The following NSF variants were observed in gnomAD, a reference collection of about 807,000 sequenced individuals.
NSF encodes vesicle-fusing ATPase.
Under a neutral mutation model 50.3 loss-of-function variants are expected in NSF, and 14 were observed. The observed-to-expected ratio is 0.28, with a 90% CI of 0.18 to 0.44. NSF has a LOEUF of 0.44. Among genes scored for constraint, NSF ranks in the 20% least tolerant of loss-of-function variants. The pLI is 1.00. For missense variants in NSF, 218 were observed against 504.3 expected, an observed-to-expected ratio of 0.43 and a Z score of 5.44; for synonymous variants, 109 against 175.7, an observed-to-expected ratio of 0.62 and a Z score of 3.00.
At chr17:46,726,069 A>G (rs2058886536) in intron 15 of NSF, among the ~76,000 whole-genome samples, 1 of 152,108 alleles carries the variant, frequency 6.6e-6, no homozygotes. Flanking sequence ...TCAACCTTTA[A>G]TTCTTTTGTA....
intron 15 of NSF, among the ~76,000 whole-genome samples, chr17:46,726,128 T>A (rs2058887425): frequency 6.6e-6 from 1 of 152,240 alleles, no homozygotes; most frequent in Non-Finnish European, 1.5e-5. Flanking sequence ...ATTCTGATCT[T>A]TCAGTGTTAC....
At chr17:46,753,234 C>T (rs2059201035) in intron 19 of NSF, among the ~76,000 whole-genome samples, 1 of 152,188 alleles carries the variant, frequency 6.6e-6, no homozygotes, top group South Asian at 2.1e-4. Flanking sequence ...GATGGTCCTG[C>T]ATTCTGCTAG....
chr17:46,727,189 T>A (rs558355071), intron 16 of NSF, among the ~76,000 whole-genome samples: 2 of 152,340 alleles, frequency 1.3e-5, no homozygotes, highest in Non-Finnish European at 1.5e-5. Context: ...TAGTAATTTT[T>A]AAAATATGTA....
intron 15 of NSF, among the ~76,000 whole-genome samples, chr17:46,720,672 C>T (rs1220822806): frequency 6.6e-6 from 1 of 152,130 alleles, no homozygotes; most frequent in African/African-American, 2.4e-5. Context: ...TTTAACTAAT[C>T]GCTGACAGAT....
At chr17:46,711,888 C>G (rs1325043711) in intron 14 of NSF, among the ~76,000 whole-genome samples, 2 of 152,014 alleles carry the variant, frequency 1.3e-5, no homozygotes, top group Non-Finnish European at 2.9e-5. Flanking sequence ...AAGTCCTGGG[C>G]AGGAAGGAGC....
intron 1 of NSF, among the ~76,000 whole-genome samples, chr17:46,599,991 TTGG>T (rs1338100445): frequency 2.5e-5 from 2 of 79,708 alleles, no homozygotes; most frequent in African/African-American, 6.2e-5. Context: ...TGAGTCTCAC[TTGG>T]TGGCCTGGGC....
At chr17:46,753,300 G>A (rs1439694955) in intron 19 of NSF, among the ~76,000 whole-genome samples, 1 of 152,162 alleles carries the variant, frequency 6.6e-6, no homozygotes, top group Non-Finnish European at 1.5e-5. Context: ...ATCTGAAATA[G>A]GCTCTTGGAC....
At chr17:46,690,624 AAT>A (rs1374633889) in intron 9 of NSF, among the ~76,000 whole-genome samples, 4 of 110,950 alleles carry the variant, frequency 3.6e-5, no homozygotes, top group African/African-American at 1.0e-4. Context: ...AAAAAAAAAA[AAT>A]ATATATATAT....
chr17:46,695,272 G>T (rs919719756), intron 12 of NSF, among the ~76,000 whole-genome samples: 3 of 144,354 alleles, frequency 2.1e-5, no homozygotes, highest in Non-Finnish European at 4.5e-5. Context: ...GTTGTAATAT[G>T]TCAGAGGAAG....
Position 46,711,032 on chromosome 17 carries a change from G to A in NSF, c.1540G>A (p.Val514Ile), listed in dbSNP as rs773649875. The part of the protein sequence containing the change: ...MNGIIKWGDP[V>I]TRVLDDGELL... The stretch of plus-strand genomic sequence containing the variant: ...CGGTATCATCAAATGGGGTGACCCA[G>A]TTACTCGAGTTCTAGATGATGGGGA... Residue 514 changes from valine (V) to isoleucine (I), a missense_variant, in exon 14 of 21, where the codon GTT becomes ATT. Physicochemically the swap from Val to Ile is conservative, Grantham distance 29. Coordinates refer to ENST00000398238, the MANE Select transcript of NSF (RefSeq NM_006178.4). 1 of 1,591,964 alleles carries A rather than the reference G, an allele frequency of 6.3e-7. No homozygotes were observed. The highest frequency in any genetic ancestry group is 8.5e-7 in the Non-Finnish European group (1 of 1,172,426).
At chr17:46,752,016 A>G (rs2059185934) in intron 19 of NSF, among the ~76,000 whole-genome samples, 1 of 152,188 alleles carries the variant, frequency 6.6e-6, no homozygotes, top group South Asian at 2.1e-4. Flanking sequence ...TTGCACCTCA[A>G]GTCAGTAAGC....
At chr17:46,744,696 A>C (rs1478391132) in intron 17 of NSF, among the ~76,000 whole-genome samples, 1 of 152,160 alleles carries the variant, frequency 6.6e-6, no homozygotes, top group Non-Finnish European at 1.5e-5. Flanking sequence ...GGCAAGACCT[A>C]TGAAAGGGTG....
At chr17:46,709,467 A>G (rs1196431925) in intron 13 of NSF, among the ~76,000 whole-genome samples, 1 of 152,078 alleles carries the variant, frequency 6.6e-6, no homozygotes, top group Non-Finnish European at 1.5e-5. Flanking sequence ...ATAACTGGAA[A>G]AATTAAAGAC....
intron 9 of NSF, among the ~76,000 whole-genome samples, chr17:46,684,383 T>C (rs1259828849): frequency 6.6e-6 from 1 of 150,538 alleles, no homozygotes; most frequent in Non-Finnish European, 1.5e-5. Context: ...GGCATTTGGG[T>C]TGGTTCCAAG....
chr17:46,744,363 G>C (rs1216128957), intron 17 of NSF, among the ~76,000 whole-genome samples: 1 of 152,122 alleles, frequency 6.6e-6, no homozygotes, highest in Non-Finnish European at 1.5e-5. Flanking sequence ...ATTCTACTAA[G>C]CAGAAAATAA....
intron 15 of NSF, among the ~76,000 whole-genome samples, chr17:46,723,390 G>A (rs1217461219): frequency 6.6e-6 from 1 of 152,168 alleles, no homozygotes; most frequent in Non-Finnish European, 1.5e-5. Flanking sequence ...TACCACATTG[G>A]CTGCGGTTCC....
chr17:46,746,977 C>G (rs1208971208), intron 17 of NSF, among the ~76,000 whole-genome samples: 1 of 152,174 alleles, frequency 6.6e-6, no homozygotes, highest in African/African-American at 2.4e-5. Context: ...CTCCAGTATG[C>G]TGGCAACGAG....
At chr17:46,708,474 A>G (rs1274702024) in intron 13 of NSF, among the ~76,000 whole-genome samples, 1 of 150,246 alleles carries the variant, frequency 6.7e-6, no homozygotes, top group African/African-American at 2.4e-5. Context: ...ATGCTTATCA[A>G]CCATTTGTTA....
At chr17:46,638,642 G>T (rs2058205106) in intron 5 of NSF, among the ~76,000 whole-genome samples, 1 of 138,652 alleles carries the variant, frequency 7.2e-6, no homozygotes, top group Non-Finnish European at 1.5e-5. Context: ...CTCCCAAAGT[G>T]CTGAGATTAC....
Sources: allele counts gnomAD v4.1 joint callset (sites outside exome capture counted in the v4.1 genomes callset), GRCh38; gene constraint gnomAD v4.1.1; transcripts MANE v1.5; gene names NCBI Gene and HGNC (gene_info 2026-07-23, HGNC 2026-07-21).